Variants in SEMA4G observed in about 807,000 individuals in gnomAD.
SEMA4G encodes the protein semaphorin 4G.
Under a neutral mutation model 81.2 loss-of-function variants are expected in SEMA4G, and 59 were observed. The observed-to-expected ratio is 0.73, with a 90% CI of 0.59 to 0.90. SEMA4G has a LOEUF of 0.90. Ranked by LOEUF, SEMA4G falls within the 40% of genes least tolerant of loss-of-function variation. The pLI, the probability that SEMA4G is intolerant of heterozygous loss-of-function variation, is 0.00. For missense variants in SEMA4G, 952 were observed against 1,102.3 expected (o/e 0.86, Z 1.93); for synonymous variants, 404 against 433.9 (o/e 0.93, Z 0.86).
At chr10:100,983,693 C>T (rs1851254045) in exon 14 of SEMA4G, 1 of 1,613,556 alleles carries the variant, frequency 6.2e-7, no homozygotes, top group Non-Finnish European at 8.5e-7. Context: ...TCCTGGCCTC[C>T]TCCCTCCTCT....
chr10:100,985,037 C>T (rs1458477096), downstream of SEMA4G: 3 of 916,824 alleles, frequency 3.3e-6, no homozygotes, highest in Admixed American at 3.1e-5. Context: ...AGTCCGTGGA[C>T]ATTTCAGAGG....
At chr10:100,977,944 T>G (rs183408306) in intron 4 of SEMA4G, 27 of 583,550 alleles carry the variant, frequency 4.6e-5, no homozygotes, top group Admixed American at 2.4e-4. Context: ...TCACTTAGCA[T>G]CCTCCCCCTA....
In SEMA4G at chr10:100,979,033, C is replaced by A; in HGVS notation, c.813+15C>A. ...GTGTCTGCAAGGTGGATTGGGCTGA[C>A]GTTGGGGCACGGGTATAGAGGCTGG... On this transcript the variant is annotated intron_variant, in intron 7 of 13. Coordinates refer to ENST00000370250, the Ensembl canonical transcript of SEMA4G. 1 of 1,613,430 alleles carries A rather than the reference C, an allele frequency of 6.2e-7. No individual in the cohort carries two copies. Among genetic ancestry groups the A allele is most frequent in the South Asian group, 1.1e-5 (1 of 91,058 alleles).
intron 3 of SEMA4G, chr10:100,975,152 G>T: frequency 2.3e-6 from 1 of 443,964 alleles, no homozygotes; most frequent in South Asian, 1.7e-5. Context: ...GGGAGTTTGG[G>T]TTTTATTCTG....
chr10:100,983,539 T>C lies in SEMA4G; in HGVS notation c.1925T>C (p.Leu642Pro), dbSNP rs746976668. The stretch of plus-strand genomic sequence containing the variant: ...GCCGAGGAAAATGGCCTCCGCACCC[T>C]GCTGGCCTCCTATAGTCTCACAGTC... The change falls in exon 14 of 14, where the codon CTG becomes CCG. Residue 642 changes from leucine to proline, a missense_variant. This residue lies in a region of SEMA4G where 385 missense variants were observed against 413.5 expected (regional missense o/e 0.93). Transcript: ENST00000370250. 2.5e-6 allele frequency: 4 copies of C among 1,613,998 alleles called. No homozygotes were observed. The Admixed American group carries it at 6.7e-5, about 27-fold the overall frequency.
upstream of SEMA4G, among the ~76,000 whole-genome samples, chr10:100,970,319 T>G (rs539326208): frequency 6.9e-6 from 1 of 145,504 alleles, no homozygotes; most frequent in Non-Finnish European, 1.5e-5. Flanking sequence ...CCCCGCCCCC[T>G]CCCACAGGTT....
At chr10:100,978,913 C>A in exon 7 of SEMA4G, 1 of 1,614,198 alleles carries the variant, frequency 6.2e-7, no homozygotes, top group South Asian at 1.1e-5. Context: ...GTGATGATGA[C>A]AAGGTGTACT....
Position 100,978,646 on chromosome 10 carries a change from G to A in SEMA4G, c.643+6G>A. 1 of 1,611,794 alleles carries A rather than the reference G, an allele frequency of 6.2e-7. No homozygotes were observed. The highest frequency in any genetic ancestry group is 8.5e-7 in the Non-Finnish European group (1 of 1,177,922). On this transcript the variant is annotated splice_donor_region_variant and intron_variant, in intron 6 of 13. Coordinates refer to ENST00000370250, the Ensembl canonical transcript of SEMA4G. ...ACCAATGCATTGGCTCAATGGTTAG[G>A]AGGATGAGGCACAGGATGATGGGGG...
chr10:100,978,108 A>G (rs1850880041), intron 4 of SEMA4G, 187 bp from the exon 6 acceptor site: 2 of 594,092 alleles, frequency 3.4e-6, no homozygotes, highest in Non-Finnish European at 6.0e-6. Flanking sequence ...TGGAACTCCA[A>G]ACATACATTG....
At chr10:100,977,841 T>G in intron 4 of SEMA4G, 111 bp downstream of exon 5, 1 of 926,346 alleles carries the variant, frequency 1.1e-6, no homozygotes, top group East Asian at 2.5e-5. Context: ...GATGGTTTAT[T>G]AAGGGGACTT....
chr10:100,978,939 G>T (rs775552640), exon 7 of SEMA4G: 13 of 1,614,192 alleles, frequency 8.1e-6, no homozygotes, highest in Non-Finnish European at 1.1e-5. Flanking sequence ...TTCACGGAGC[G>T]TGCCACTGAG....
intron 3 of SEMA4G, chr10:100,975,159 T>C: frequency 4.6e-6 from 2 of 433,660 alleles, no homozygotes; most frequent in Non-Finnish European, 9.2e-6. Flanking sequence ...TGGGTTTTAT[T>C]CTGTGACAGT....
upstream of SEMA4G, among the ~76,000 whole-genome samples, chr10:100,970,891 C>T (rs1425449217): frequency 6.6e-6 from 1 of 152,200 alleles, no homozygotes; most frequent in East Asian, 1.9e-4. Context: ...AATAGGTGCA[C>T]AGTCCTTGAC....
intron 10 of SEMA4G, 111 bp from the exon 12 acceptor site, chr10:100,980,467 A>G (rs1249330490): frequency 1.5e-6 from 2 of 1,348,150 alleles, no homozygotes; most frequent in Non-Finnish European, 2.1e-6. Flanking sequence ...CTCCTGGCTG[A>G]GTCCTTGTTC....
chr10:100,980,067 G>A lies in SEMA4G; in HGVS notation c.1129-55G>A, dbSNP rs1051303887. 12 of 1,612,968 alleles carry A rather than the reference G, an allele frequency of 7.4e-6. No individual in the cohort carries two copies. The South Asian group carries it at 9.9e-5, about 13-fold the overall frequency. ...GGGTCAAAGGGTCTGGCCTTGTGGA[G>A]AGGGCAGGCAGGTGGTGGAGTCCCG... is the stretch of plus-strand genomic sequence containing the variant. On this transcript the variant is annotated intron_variant, in intron 9 of 13. Coordinates refer to ENST00000370250, the Ensembl canonical transcript of SEMA4G.
At chr10:100,978,715 CA>C in intron 6 of SEMA4G, 75 bp downstream of exon 7, 1 of 1,551,366 alleles carries the variant, frequency 6.4e-7, no homozygotes, top group South Asian at 1.1e-5. Context: ...GCCAGCTGAC[CA>C]CCCCACCCCC....
At chr10:100,985,414 A>T (rs377579383), downstream of SEMA4G, 1 of 153,082 alleles carries the variant, frequency 6.5e-6, no homozygotes, top group African/African-American at 2.4e-5. Context: ...GAGAACGTGG[A>T]ATCCCACGGG....
At chr10:100,975,402 G>T (rs1330311490) in intron 3 of SEMA4G, among the ~76,000 whole-genome samples, 4 of 152,188 alleles carry the variant, frequency 2.6e-5, no homozygotes, top group Admixed American at 2.6e-4. Context: ...TTTCAAAGGA[G>T]GGGTTTAAAT....
intron 13 of SEMA4G, among the ~76,000 whole-genome samples, chr10:100,982,027 C>T (rs1851105478): frequency 7.1e-6 from 1 of 141,556 alleles, no homozygotes; most frequent in Non-Finnish European, 1.5e-5. Flanking sequence ...CATTGCACTC[C>T]AGCCTGGATA....
Sources: gnomAD v4.1 joint callset for allele counts (sites outside exome capture counted in the v4.1 genomes callset) on GRCh38, gnomAD v4.1.1 for gene constraint, gnomAD v4.1.1 regional missense constraint, MANE v1.5 for transcripts, NCBI Gene and HGNC (gene_info 2026-07-23, HGNC 2026-07-21) for gene names.